Variants in DPP6 observed in about 807,000 individuals in gnomAD.
DPP6 encodes A-type potassium channel modulatory protein DPP6.
DPP6 carries 69 observed loss-of-function variants against 122.6 expected under a neutral mutation model. The observed-to-expected ratio is 0.56, with a 90% CI of 0.46 to 0.69. The LOEUF (loss-of-function observed/expected upper bound fraction) is 0.69, where lower values mean the gene tolerates loss of function less well. Among genes scored for constraint, DPP6 ranks in the 30% least tolerant of loss-of-function variants. The pLI is 0.00. For missense variants in DPP6, 928 were observed against 1,116.9 expected (o/e 0.83, Z 2.41); for synonymous variants, 418 against 433.1 (o/e 0.97, Z 0.43).
chr7:154,406,250 A>T (rs746199508), intron 1 of DPP6, among the ~76,000 whole-genome samples: 1 of 152,222 alleles, frequency 6.6e-6, no homozygotes, highest in East Asian at 1.9e-4. Flanking sequence ...TGTGCTTTTC[A>T]TACGGTTTTC....
At chr7:154,404,745 T>C in intron 1 of DPP6, among the ~76,000 whole-genome samples, 1 of 152,218 alleles carries the variant, frequency 6.6e-6, no homozygotes, top group East Asian at 1.9e-4. Context: ...ATGGCTGTAA[T>C]TGGATAAAAG....
chr7:154,496,466 C>T (rs1278390726), intron 3 of DPP6, among the ~76,000 whole-genome samples: 2 of 152,286 alleles, frequency 1.3e-5, no homozygotes, highest in East Asian at 3.9e-4. Context: ...ATATTTATCC[C>T]ATAATTTTCA....
intron 4 of DPP6, among the ~76,000 whole-genome samples, chr7:154,560,805 C>A (rs969082540): frequency 6.6e-6 from 1 of 151,594 alleles, no homozygotes; most frequent in Non-Finnish European, 1.5e-5. Context: ...ATCGCTTGAA[C>A]CCAGGATGCA....
chr7:154,324,989 C>T (rs554155018), intron 1 of DPP6, among the ~76,000 whole-genome samples: 6 of 151,586 alleles, frequency 4.0e-5, no homozygotes, highest in Non-Finnish European at 8.8e-5. Context: ...CTCAGCCTCC[C>T]GAGTAGCTGG....
chr7:154,726,561 G>C (rs566675021), intron 7 of DPP6, among the ~76,000 whole-genome samples: 1 of 152,216 alleles, frequency 6.6e-6, no homozygotes. Context: ...CTCTGAGCCC[G>C]GCCCATGAAA....
intron 1 of DPP6, among the ~76,000 whole-genome samples, chr7:154,086,110 T>G (rs1804398781): frequency 6.6e-6 from 1 of 152,186 alleles, no homozygotes; most frequent in South Asian, 2.1e-4. Context: ...TATTTAGAGA[T>G]AGAGACATAA....
At chr7:153,890,867 T>G (rs1454363932) in intron 1 of DPP6, among the ~76,000 whole-genome samples, 1 of 149,252 alleles carries the variant, frequency 6.7e-6, no homozygotes, top group Non-Finnish European at 1.5e-5. Context: ...TTTTTTTTTT[T>G]TTGCATTTTT....
intron 5 of DPP6, among the ~76,000 whole-genome samples, chr7:154,581,726 C>T (rs1832081238): frequency 1.3e-5 from 2 of 152,370 alleles, no homozygotes; most frequent in Non-Finnish European, 1.5e-5. Flanking sequence ...CCTGCAGGTG[C>T]AGGGACTTCT....
chr7:154,384,168 G>A (rs1813879273), intron 1 of DPP6, among the ~76,000 whole-genome samples: 1 of 152,130 alleles, frequency 6.6e-6, no homozygotes, highest in Non-Finnish European at 1.5e-5. Flanking sequence ...CACACTGGTG[G>A]GACCCAAGCT....
intron 4 of DPP6, among the ~76,000 whole-genome samples, chr7:154,543,181 T>C (rs1176962305): frequency 6.6e-6 from 1 of 152,190 alleles, no homozygotes. Context: ...CTTGTATAAA[T>C]GATAAAAAGC....
chr7:154,496,774 C>G (rs1440575280), intron 3 of DPP6, among the ~76,000 whole-genome samples: 3 of 152,192 alleles, frequency 2.0e-5, no homozygotes, highest in Non-Finnish European at 4.4e-5. Flanking sequence ...AGGATCGAGG[C>G]CTTCCTTAGT....
At position 154,870,386 on chromosome 7, in the gene DPP6, C is replaced by T. The variant is rs549995495; in HGVS notation, c.1814-2238C>T. 1.6e-3 allele frequency among the ~76,000 whole-genome samples: 250 copies of T among 152,266 alleles called. 1 individual carries two copies. The highest frequency in any genetic ancestry group is 6.8e-3 in the Middle Eastern group (2 of 294). ...TTGGGAAGCTGAGGAGGGCAGATCACTTGAGGTCAGGAGTTCAAGACAAGC... is the reference window on the plus strand; with the variant it reads ...TTGGGAAGCTGAGGAGGGCAGATCATTTGAGGTCAGGAGTTCAAGACAAGC... On this transcript the variant is annotated intron_variant, in intron 18 of 25. Coordinates refer to ENST00000377770, the MANE Select transcript of DPP6 (RefSeq NM_130797.4).
At chr7:154,057,238 T>A (rs1384610509) in intron 1 of DPP6, among the ~76,000 whole-genome samples, 2 of 151,640 alleles carry the variant, frequency 1.3e-5, no homozygotes, top group Non-Finnish European at 2.9e-5. Context: ...AAAAGCTGAC[T>A]CTTGGGCAAA....
chr7:154,029,809 A>G (rs2901958), intron 1 of DPP6, among the ~76,000 whole-genome samples: 5,447 of 150,968 alleles, frequency 0.036, 98 homozygotes, highest in South Asian at 0.078. Context: ...TCACGCCACT[A>G]CACTCCAACC....
At chr7:154,747,734 C>G (rs1343783280) in intron 8 of DPP6, among the ~76,000 whole-genome samples, 1 of 152,120 alleles carries the variant, frequency 6.6e-6, no homozygotes, top group East Asian at 1.9e-4. Context: ...ACCACCCACC[C>G]AGAGTAAGGA....
the DPP6 span, among the ~76,000 whole-genome samples, chr7:153,796,541 T>C: frequency 1.3e-5 from 2 of 152,056 alleles, no homozygotes. Flanking sequence ...TGAAATGTCT[T>C]GAGTGATAGG....
intron 16 of DPP6, among the ~76,000 whole-genome samples, chr7:154,848,263 T>C (rs186566421): frequency 7.6e-4 from 116 of 152,310 alleles, no homozygotes; most frequent in African/African-American, 2.7e-3. Flanking sequence ...TTTTATGAAA[T>C]AGTTTTACTA....
chr7:153,806,978 T>C, the DPP6 span, among the ~76,000 whole-genome samples: 2 of 152,176 alleles, frequency 1.3e-5, no homozygotes, highest in South Asian at 4.1e-4. Flanking sequence ...CCTCCGGCCT[T>C]TTTTATTCCC....
chr7:154,709,279 A>C (rs1348556171), intron 7 of DPP6, among the ~76,000 whole-genome samples: 1 of 152,218 alleles, frequency 6.6e-6, no homozygotes, highest in Non-Finnish European at 1.5e-5. Context: ...TGCTGGACTC[A>C]AGCAATCCTC....
Sources: allele counts gnomAD v4.1 joint callset (sites outside exome capture counted in the v4.1 genomes callset), GRCh38; gene constraint gnomAD v4.1.1; transcripts MANE v1.5; gene names NCBI Gene and HGNC (gene_info 2026-07-23, HGNC 2026-07-21).